The following CCDC148 variants were observed in gnomAD, a reference collection of about 807,000 sequenced individuals.
CCDC148 encodes coiled-coil domain containing 148, also known as coiled-coil domain-containing protein 148.
In CCDC148, 89 loss-of-function variants were observed where a neutral mutation model predicts 85.7. The observed-to-expected ratio is 1.04, with a 90% CI of 0.87 to 1.24. The LOEUF (loss-of-function observed/expected upper bound fraction) is 1.24. Ranked by LOEUF, CCDC148 falls within the 50% of genes most tolerant of loss-of-function variation. CCDC148 has a pLI of 0.00. For missense variants in CCDC148, 692 were observed against 671.7 expected, an observed-to-expected ratio of 1.03 and a Z score of -0.33; for synonymous variants, 230 against 213.9, an observed-to-expected ratio of 1.08 and a Z score of -0.66.
chr2:158,393,796 A>C (rs2105299171), intron 1 of CCDC148, among the ~76,000 whole-genome samples: 1 of 152,282 alleles, frequency 6.6e-6, no homozygotes, highest in African/African-American at 2.4e-5. Flanking sequence ...ATTGCTATAG[A>C]TAACCTTTCT....
At chr2:158,413,725 T>C (rs747999230) in intron 1 of CCDC148, among the ~76,000 whole-genome samples, 5 of 152,172 alleles carry the variant, frequency 3.3e-5, no homozygotes, top group Non-Finnish European at 1.5e-5. Context: ...TTCAACTCAG[T>C]TGTGTAGCAT....
intron 11 of CCDC148, among the ~76,000 whole-genome samples, chr2:158,201,254 TTAATA>T (rs1368123853): frequency 6.6e-6 from 1 of 152,202 alleles, no homozygotes; most frequent in Non-Finnish European, 1.5e-5. Context: ...CCTGTTAATA[TTAATA>T]TGTCAATTTA....
rs553855060 is a variant in CCDC148, at chr2:158,280,907, C to T, written c.1110+28526G>A. On this transcript the variant is annotated intron_variant, in intron 9 of 13. Transcript: ENST00000283233. Reference sequence around the variant, plus strand: ...GCTCTCCTCAGCAAATGTAAAAGAACAGAAATTATAACAAACTATCTCTCA... The same window carrying T: ...GCTCTCCTCAGCAAATGTAAAAGAATAGAAATTATAACAAACTATCTCTCA... Among the ~76,000 whole-genome samples, 40 of 152,188 alleles carry T rather than the reference C, an allele frequency of 2.6e-4. No homozygotes were observed. The East Asian group carries it at 6.8e-3, about 26-fold the overall frequency.
At chr2:158,173,083 C>T (rs562671849) in intron 13 of CCDC148, among the ~76,000 whole-genome samples, 5 of 152,094 alleles carry the variant, frequency 3.3e-5, no homozygotes, top group African/African-American at 4.8e-5. Context: ...GTGGCAGATG[C>T]CCTAAAAGTA....
At chr2:158,348,032 A>AAATATTGCT (rs1185456757) in intron 2 of CCDC148, among the ~76,000 whole-genome samples, 19 of 152,102 alleles carry the variant, frequency 1.2e-4, no homozygotes, top group Non-Finnish European at 1.8e-4. Flanking sequence ...TGGGAATACA[A>AAATATTGCT]AGTGATACAA....
chr2:158,412,826 T>TTTTTTA (rs1227760099), intron 1 of CCDC148, among the ~76,000 whole-genome samples: 2 of 138,920 alleles, frequency 1.4e-5, no homozygotes, highest in South Asian at 2.3e-4. Flanking sequence ...AATATAAGTA[T>TTTTTTA]TTATTATTAT....
intron 10 of CCDC148, 107 bp downstream of exon 10, chr2:158,250,665 T>C: frequency 1.4e-6 from 2 of 1,386,898 alleles, no homozygotes; most frequent in Non-Finnish European, 1.9e-6. Flanking sequence ...TTTATGAATG[T>C]TCTCAGAACT....
In CCDC148 at chr2:158,309,623, T is replaced by A. The variant is rs145531516; in HGVS notation, c.920A>T (p.Tyr307Phe). The A allele has an allele frequency of 4.3e-3, 6,872 of 1,612,286 alleles. 32 individuals carry two copies. Among genetic ancestry groups the A allele is most frequent in the East Asian group, 0.023 (1,023 of 44,848 alleles). Residue 307 changes from tyrosine (Y) to phenylalanine (F), a missense_variant, in exon 9 of 14, where the codon TAT becomes TTT. By Grantham distance (22) the Tyr-to-Phe change is conservative. Coordinates refer to ENST00000283233, the MANE Select transcript of CCDC148 (RefSeq NM_138803.4). Reference protein sequence around the residue: ...SRHDLVEHEKYCDQYRFAIEQ... With the variant: ...SRHDLVEHEKFCDQYRFAIEQ... ...TATAGCAAAGCGATATTGGTCACAA[T>A]ATTTCTCGTGTTCAACCTGAAAAGA...
At chr2:158,261,747 A>G (rs1006761398) in intron 9 of CCDC148, among the ~76,000 whole-genome samples, 1 of 152,110 alleles carries the variant, frequency 6.6e-6, no homozygotes, top group African/African-American at 2.4e-5. Flanking sequence ...TATGTCTTCA[A>G]CAAGCATAAG....
intron 1 of CCDC148, among the ~76,000 whole-genome samples, chr2:158,410,998 T>C (rs1287452206): frequency 6.6e-6 from 1 of 152,170 alleles, no homozygotes; most frequent in East Asian, 1.9e-4. Flanking sequence ...TTTTTTTTCT[T>C]TTAGTACTTT....
chr2:158,257,036 T>C (rs1359773327), intron 9 of CCDC148, among the ~76,000 whole-genome samples: 1 of 151,608 alleles, frequency 6.6e-6, no homozygotes, highest in Non-Finnish European at 1.5e-5. Context: ...TGCTCTGAAG[T>C]TAGATTGACA....
chr2:158,255,238 T>C (rs906616232), intron 9 of CCDC148, among the ~76,000 whole-genome samples: 10 of 151,488 alleles, frequency 6.6e-5, no homozygotes, highest in African/African-American at 2.2e-4. Context: ...CAGGGACCCG[T>C]AGAATTTTAC....
chr2:158,291,120 T>C (rs907943828), intron 9 of CCDC148, among the ~76,000 whole-genome samples: 1 of 152,018 alleles, frequency 6.6e-6, no homozygotes, highest in African/African-American at 2.4e-5. Context: ...CTCTTTTATA[T>C]ATATTTTGTT....
At chr2:158,252,939 G>C (rs908193825) in intron 9 of CCDC148, among the ~76,000 whole-genome samples, 2 of 151,616 alleles carry the variant, frequency 1.3e-5, no homozygotes, top group Non-Finnish European at 3.0e-5. Flanking sequence ...CTTTGCCATA[G>C]CTTCACATCA....
At chr2:158,406,615 T>TTTTTTTTTCTGTTTTTTTTTTTTG (rs1559124507) in intron 1 of CCDC148, among the ~76,000 whole-genome samples, 11 of 67,944 alleles carry the variant, frequency 1.6e-4, no homozygotes, top group Non-Finnish European at 3.1e-4. Flanking sequence ...TTAAATTTCT[T>TTTTTTTTTCTGTTTTTTTTTTTTG]TTTTTTTTTT....
At chr2:158,346,115 A>G (rs1411003987) in intron 2 of CCDC148, among the ~76,000 whole-genome samples, 1 of 152,198 alleles carries the variant, frequency 6.6e-6, no homozygotes, top group South Asian at 2.1e-4. Context: ...CTGAAAGGTT[A>G]TATCAGCCCT....
intron 9 of CCDC148, among the ~76,000 whole-genome samples, chr2:158,256,585 T>A (rs1261328530): frequency 6.6e-6 from 1 of 151,762 alleles, no homozygotes; most frequent in Non-Finnish European, 1.5e-5. Flanking sequence ...AAAGTTACCA[T>A]CTGAGCAGTG....
chr2:158,254,803 C>T (rs1221851927), intron 9 of CCDC148, among the ~76,000 whole-genome samples: 1 of 151,322 alleles, frequency 6.6e-6, no homozygotes, highest in Non-Finnish European at 1.5e-5. Context: ...ATATGATGTC[C>T]TGTGATTTAA....
intron 2 of CCDC148, among the ~76,000 whole-genome samples, chr2:158,346,915 G>T (rs1683021674): frequency 6.7e-6 from 1 of 149,652 alleles, no homozygotes; most frequent in Non-Finnish European, 1.5e-5. Flanking sequence ...ACAACCCAAA[G>T]ATTACTTTTA....
Sources: gnomAD v4.1 joint callset for allele counts (sites outside exome capture counted in the v4.1 genomes callset) on GRCh38, gnomAD v4.1.1 for gene constraint, MANE v1.5 for transcripts, NCBI Gene and HGNC (gene_info 2026-07-23, HGNC 2026-07-21) for gene names.